SLC14A2: variants seen among roughly 807,000 people sequenced by gnomAD.
The protein encoded by SLC14A2 is solute carrier family 14 member 2.
In SLC14A2, 91 loss-of-function variants were observed where a neutral mutation model predicts 104.6. That is an observed-to-expected ratio of 0.87 (90% CI 0.73 to 1.04). The LOEUF is 1.04. Ranked by LOEUF, SLC14A2 falls within the 50% of genes least tolerant of loss-of-function variation. SLC14A2 has a pLI of 0.00. For missense variants in SLC14A2, 1,189 were observed against 1,156.0 expected, an observed-to-expected ratio of 1.03 and a Z score of -0.41; for synonymous variants, 476 against 466.4, an observed-to-expected ratio of 1.02 and a Z score of -0.27.
At chr18:45,393,312 G>A (rs1227442750) in intron 1 of SLC14A2, among the ~76,000 whole-genome samples, 3 of 152,298 alleles carry the variant, frequency 2.0e-5, no homozygotes, top group South Asian at 4.1e-4. Context: ...AGACCCAAAT[G>A]CCTAAACACG....
rs762886892 is a variant in SLC14A2 at position 45,624,818 on chromosome 18, A to G, written c.150+4A>G. On this transcript the variant is annotated splice_donor_region_variant and intron_variant, in intron 2 of 19. Coordinates refer to ENST00000255226, the MANE Select transcript of SLC14A2 (RefSeq NM_007163.4). ...CCTGGAAATGCCTGAAGAAAAGGTG[A>G]GAAGTGTCCCTCCTAGGATGTTTCC... The G allele has an allele frequency of 5.0e-6, 8 of 1,610,058 alleles. No individual in the cohort carries two copies. In the Admixed American group the frequency reaches 1.3e-4, roughly 27 times the overall value.
chr18:45,510,650 C>T (rs985417564), intron 2 of SLC14A2, among the ~76,000 whole-genome samples: 2 of 152,074 alleles, frequency 1.3e-5, no homozygotes, highest in Non-Finnish European at 2.9e-5. Context: ...CAGCCATGCT[C>T]CCCATACTTG....
intron 2 of SLC14A2, among the ~76,000 whole-genome samples, chr18:45,508,868 A>AAAATATGT (rs2043324456): frequency 6.6e-6 from 1 of 152,252 alleles, no homozygotes; most frequent in Non-Finnish European, 1.5e-5. Context: ...AAATGAGACA[A>AAAATATGT]AAATATGTAA....
chr18:45,324,372 A>G (rs922853418), intron 1 of SLC14A2, among the ~76,000 whole-genome samples: 2 of 152,148 alleles, frequency 1.3e-5, no homozygotes, highest in Non-Finnish European at 2.9e-5. Flanking sequence ...ATCGCCAACG[A>G]TTATTTTAAG....
At chr18:45,622,017 G>GA (rs1257367186) in intron 1 of SLC14A2, among the ~76,000 whole-genome samples, 1 of 152,194 alleles carries the variant, frequency 6.6e-6, no homozygotes, top group African/African-American at 2.4e-5. Context: ...GAAAGCAAGG[G>GA]ACTCACTAAA....
intron 1 of SLC14A2, among the ~76,000 whole-genome samples, chr18:45,236,335 A>ATATGTGTATATATACATGTATGTGTGTG (rs2084246111): frequency 4.7e-5 from 1 of 21,332 alleles, no homozygotes; most frequent in Non-Finnish European, 8.0e-5. Flanking sequence ...GTATGTGTGT[A>ATATGTGTATATATACATGTATGTGTGTG]TATATGTGTA....
At chr18:45,355,069 T>C (rs1311914799) in intron 1 of SLC14A2, among the ~76,000 whole-genome samples, 1 of 152,228 alleles carries the variant, frequency 6.6e-6, no homozygotes, top group African/African-American at 2.4e-5. Flanking sequence ...CTTCACCTCC[T>C]GGTTCTACAA....
At chr18:45,174,686 A>C in the SLC14A2 span, among the ~76,000 whole-genome samples, 88 of 152,288 alleles carry the variant, frequency 5.8e-4, no homozygotes, top group African/African-American at 2.1e-3. Context: ...GGTCTTGACC[A>C]AAAACACAAG....
intron 2 of SLC14A2, among the ~76,000 whole-genome samples, chr18:45,542,958 CT>C (rs556972066): frequency 6.6e-6 from 1 of 151,518 alleles, no homozygotes; most frequent in African/African-American, 2.4e-5. Flanking sequence ...ATATGCGTCT[CT>C]TTTTTTTGAG....
intron 1 of SLC14A2, among the ~76,000 whole-genome samples, chr18:45,403,625 G>T (rs575669240): frequency 3.9e-5 from 6 of 152,184 alleles, no homozygotes; most frequent in Admixed American, 3.9e-4. Context: ...TTAATTGGAT[G>T]CTCCATGGCC....
At chr18:45,610,861 C>A (rs147032661), upstream of SLC14A2, among the ~76,000 whole-genome samples, 78 of 152,330 alleles carry the variant, frequency 5.1e-4, no homozygotes, top group Middle Eastern at 3.4e-3. Flanking sequence ...CACCTACTAC[C>A]TGTCAGTCTT....
At chr18:45,593,486 C>CTTTTTTTTTTTTTTTTT (rs1172271684) in intron 2 of SLC14A2, among the ~76,000 whole-genome samples, 7 of 88,788 alleles carry the variant, frequency 7.9e-5, no homozygotes, top group African/African-American at 3.3e-4. Context: ...TTTCCTTAAT[C>CTTTTTTTTTTTTTTTTT]TTTTTTTTTT....
chr18:45,215,727 GC>G (rs1200249511), intron 1 of SLC14A2, among the ~76,000 whole-genome samples: 1 of 152,212 alleles, frequency 6.6e-6, no homozygotes, highest in African/African-American at 2.4e-5. Flanking sequence ...TTGACAGAAA[GC>G]TTTGCAGGAA....
At chr18:45,414,100 A>C (rs2086243539) in intron 1 of SLC14A2, among the ~76,000 whole-genome samples, 1 of 152,236 alleles carries the variant, frequency 6.6e-6, no homozygotes, top group Non-Finnish European at 1.5e-5. Flanking sequence ...TTGTGAGAAT[A>C]AGGACCTGCA....
chr18:45,285,412 T>C (rs943239728), intron 1 of SLC14A2, among the ~76,000 whole-genome samples: 4 of 152,186 alleles, frequency 2.6e-5, no homozygotes, highest in African/African-American at 9.6e-5. Flanking sequence ...TGCACTATAC[T>C]TGGAACAGAT....
At chr18:45,550,813 C>T (rs16978403) in intron 2 of SLC14A2, among the ~76,000 whole-genome samples, 25,766 of 152,106 alleles carry the variant, frequency 0.17, 2,408 homozygotes, top group Non-Finnish European at 0.21. Flanking sequence ...TGGGACAGGT[C>T]CTGTGATGAC....
intron 1 of SLC14A2, among the ~76,000 whole-genome samples, chr18:45,413,302 T>C (rs1433261043): frequency 2.0e-5 from 3 of 152,208 alleles, no homozygotes; most frequent in African/African-American, 4.8e-5. Context: ...CAATTGTTTC[T>C]ACATCCAGAA....
chr18:45,399,038 T>C (rs1228138369), intron 1 of SLC14A2, among the ~76,000 whole-genome samples: 1 of 152,172 alleles, frequency 6.6e-6, no homozygotes. Flanking sequence ...ATAATGACAC[T>C]TATTGGATGC....
intron 1 of SLC14A2, among the ~76,000 whole-genome samples, chr18:45,300,395 G>A (rs1168178909): frequency 6.7e-6 from 1 of 148,630 alleles, no homozygotes; most frequent in African/African-American, 2.5e-5. Flanking sequence ...TCTATCTCAA[G>A]TTCTTGTAAT....
Sources: gnomAD v4.1 joint callset for allele counts (sites outside exome capture counted in the v4.1 genomes callset) on GRCh38, gnomAD v4.1.1 for gene constraint, MANE v1.5 for transcripts, NCBI Gene and HGNC (gene_info 2026-07-23, HGNC 2026-07-21) for gene names.